The following COL22A1 variants were observed in gnomAD, a reference collection of about 807,000 sequenced individuals.
COL22A1 encodes collagen alpha-1(XXII) chain.
A neutral mutation model predicts 248.9 loss-of-function variants in COL22A1; 221 were observed. The observed-to-expected ratio is 0.89, with a 90% CI of 0.80 to 0.99. COL22A1 has a LOEUF of 0.99. COL22A1 is among the 50% of genes least tolerant of loss of function. The pLI is 0.00. For synonymous variants in COL22A1, 891 were observed against 793.4 expected (o/e 1.12, Z -2.07); for missense variants, 2,240 against 2,179.0 (o/e 1.03, Z -0.56).
At chr8:138,832,833 A>G (rs1820153524) in intron 5 of COL22A1, among the ~76,000 whole-genome samples, 2 of 152,230 alleles carry the variant, frequency 1.3e-5, no homozygotes, top group Non-Finnish European at 2.9e-5. Flanking sequence ...CAGAGAACCA[A>G]TGAAGTCAAT....
At chr8:138,759,368 C>T (rs1325190454) in intron 18 of COL22A1, among the ~76,000 whole-genome samples, 2 of 152,190 alleles carry the variant, frequency 1.3e-5, no homozygotes, top group Non-Finnish European at 2.9e-5. Context: ...CGATGCTGAT[C>T]GGGTCTCAGC....
intron 12 of COL22A1, among the ~76,000 whole-genome samples, chr8:138,788,672 T>A (rs895985184): frequency 2.0e-5 from 3 of 152,084 alleles, no homozygotes; most frequent in Admixed American, 6.5e-5. Flanking sequence ...GCTCTGACAT[T>A]TTGCTGCTGG....
chr8:138,781,466 C>A (rs1234881533), intron 12 of COL22A1, among the ~76,000 whole-genome samples: 4 of 152,150 alleles, frequency 2.6e-5, no homozygotes, highest in Non-Finnish European at 5.9e-5. Flanking sequence ...GGGTGACAAC[C>A]AAAAATGTCT....
At chr8:138,661,899 C>A (rs1823999020) in intron 43 of COL22A1, 131 bp downstream of exon 43, 2 of 571,388 alleles carry the variant, frequency 3.5e-6, no homozygotes, top group South Asian at 6.0e-5. Flanking sequence ...GTCCATGGGG[C>A]TTCCTGGAAA....
chr8:138,633,297 C>T (rs527429041), intron 49 of COL22A1, among the ~76,000 whole-genome samples: 1 of 152,348 alleles, frequency 6.6e-6, no homozygotes, highest in African/African-American at 2.4e-5. Context: ...GAATTGAAAG[C>T]ATTAATCAGC....
At chr8:138,613,749 A>G in intron 56 of COL22A1, 118 bp downstream of exon 56, 1 of 995,328 alleles carries the variant, frequency 1.0e-6, no homozygotes, top group Non-Finnish European at 1.6e-6. Context: ...CAACTGCTAA[A>G]ACATATTACA....
At chr8:138,902,737 TATACACACACAC>T (rs1205862284) in intron 1 of COL22A1, among the ~76,000 whole-genome samples, 67 of 107,062 alleles carry the variant, frequency 6.3e-4, no homozygotes, top group Middle Eastern at 5.3e-3. Flanking sequence ...TATATATATA[TATACACACACAC>T]ACACACACAC....
chr8:138,755,835 C>T lies in COL22A1; in HGVS notation c.1903-6G>A, dbSNP rs200526849. 4 of 1,613,812 alleles carry T rather than the reference C, an allele frequency of 2.5e-6. No homozygotes were observed. The highest frequency in any genetic ancestry group is 3.4e-6 in the Non-Finnish European group (4 of 1,179,702). ...CCCGCAGGTCCCACGTCACCCTGCA[C>T]AGAAACGACAAACATTTCAGCATAG... On this transcript the variant is annotated splice_polypyrimidine_tract_variant and splice_region_variant and intron_variant, in intron 18 of 64. Coordinates refer to ENST00000303045, the MANE Select transcript of COL22A1 (RefSeq NM_152888.3).
chr8:138,776,515 C>A (rs1814475399), intron 15 of COL22A1, among the ~76,000 whole-genome samples: 1 of 152,116 alleles, frequency 6.6e-6, no homozygotes, highest in Admixed American at 6.5e-5. Flanking sequence ...TAGAGCAGCA[C>A]CTAGACCTTG....
chr8:138,704,891 T>G (rs1165228383), intron 30 of COL22A1, among the ~76,000 whole-genome samples: 1 of 152,172 alleles, frequency 6.6e-6, no homozygotes, highest in Non-Finnish European at 1.5e-5. Flanking sequence ...GAAAAAAGAT[T>G]AGACGAATGG....
At position 138,684,284 on chromosome 8, in the gene COL22A1, AC is replaced by A. The variant is rs1200150781; in HGVS notation, c.3012+140del. 3.4e-5 allele frequency: 25 copies of A among 735,004 alleles called. No individual in the cohort carries two copies. In the East Asian group the frequency reaches 5.9e-4, roughly 17 times the overall value. The allele number at this position is 735,004 out of a possible 1,614,324, so 45.5% of individuals were successfully genotyped here. On this transcript the variant is annotated intron_variant, in intron 39 of 64. Coordinates refer to ENST00000303045, the MANE Select transcript of COL22A1 (RefSeq NM_152888.3). ...GAAAAAAAAAAAAAAAAGTCCTAGA[AC>A]CTTTAGTCAAATGGAACACGATGAG...
chr8:138,890,807 G>C (rs963030065), intron 1 of COL22A1, among the ~76,000 whole-genome samples: 1 of 152,076 alleles, frequency 6.6e-6, no homozygotes. Context: ...GAGCTCAGGA[G>C]TTCGAGACCA....
chr8:138,840,425 A>C (rs1563831565), intron 4 of COL22A1, among the ~76,000 whole-genome samples: 1 of 152,006 alleles, frequency 6.6e-6, no homozygotes, highest in African/African-American at 2.4e-5. Context: ...CTGACACAGG[A>C]GGGCCCATAA....
chr8:138,831,216 T>C (rs1355201484), intron 5 of COL22A1, among the ~76,000 whole-genome samples: 1 of 152,146 alleles, frequency 6.6e-6, no homozygotes, highest in Non-Finnish European at 1.5e-5. Context: ...ATCACACACA[T>C]GCAGAAACCC....
At chr8:138,591,035 A>C (rs140736867) in intron 64 of COL22A1, among the ~76,000 whole-genome samples, 274 of 152,352 alleles carry the variant, frequency 1.8e-3, no homozygotes, top group African/African-American at 6.5e-3. Flanking sequence ...TAGGTTAAAC[A>C]AAACAGACAC....
intron 1 of COL22A1, among the ~76,000 whole-genome samples, chr8:138,897,810 A>G (rs1814236316): frequency 6.6e-6 from 1 of 151,928 alleles, no homozygotes; most frequent in Admixed American, 6.6e-5. Context: ...GAAAAAAAAA[A>G]ACGGCTGAAC....
At chr8:138,813,612 AG>A (rs1818429193) in intron 7 of COL22A1, among the ~76,000 whole-genome samples, 2 of 65,320 alleles carry the variant, frequency 3.1e-5, no homozygotes, top group Admixed American at 1.4e-4. Context: ...CCCCCGTGCA[AG>A]GGGCTTCAGG....
chr8:138,769,999 A>T (rs1834230145), intron 16 of COL22A1, among the ~76,000 whole-genome samples: 1 of 152,128 alleles, frequency 6.6e-6, no homozygotes, highest in Admixed American at 6.5e-5. Flanking sequence ...TAGAGCCACT[A>T]ACTGGGAGAG....
intron 41 of COL22A1, among the ~76,000 whole-genome samples, chr8:138,664,175 T>C (rs1352818019): frequency 7.0e-6 from 1 of 143,028 alleles, no homozygotes. Context: ...GTAGTCATGC[T>C]CCCTTCTCCA....
Sources: allele counts gnomAD v4.1 joint callset (sites outside exome capture counted in the v4.1 genomes callset), GRCh38; gene constraint gnomAD v4.1.1; transcripts MANE v1.5; gene names NCBI Gene and HGNC (gene_info 2026-07-23, HGNC 2026-07-21).